PRKG1: variants seen among roughly 807,000 people sequenced by gnomAD.
The protein encoded by PRKG1 is protein kinase cGMP-dependent 1.
In PRKG1, 35 loss-of-function variants were observed where a neutral mutation model predicts 88.1. That is an observed-to-expected ratio of 0.40 (90% confidence interval 0.30 to 0.53). PRKG1 has a LOEUF of 0.53. PRKG1 is among the 20% of genes least tolerant of loss of function. PRKG1 has a pLI of 0.59. For missense variants in PRKG1, 540 were observed against 839.8 expected (o/e 0.64, Z 4.41); for synonymous variants, 303 against 292.5 (o/e 1.04, Z -0.37).
intron 3 of PRKG1, among the ~76,000 whole-genome samples, chr10:51,709,611 C>G (rs1330593551): frequency 1.3e-5 from 2 of 152,142 alleles, no homozygotes; most frequent in Non-Finnish European, 2.9e-5. Context: ...TGGTCCATAG[C>G]CCTTGAGGGG....
chr10:52,128,134 A>C, intron 7 of PRKG1: 11 of 985,386 alleles, frequency 1.1e-5, no homozygotes, highest in Non-Finnish European at 1.3e-5. Flanking sequence ...TGGGGACATT[A>C]AACTGCTGCA....
intron 9 of PRKG1, among the ~76,000 whole-genome samples, chr10:52,239,245 G>A (rs1233473376): frequency 1.6e-4 from 22 of 138,156 alleles, no homozygotes; most frequent in African/African-American, 3.7e-4. Flanking sequence ...TGGGTGCAGC[G>A]CACCGGCATG....
At chr10:51,467,983 G>T in intron 3 of PRKG1, 147 bp downstream of exon 3, 1 of 680,410 alleles carries the variant, frequency 1.5e-6, no homozygotes, top group Non-Finnish European at 2.6e-6. Flanking sequence ...TGATGTATTT[G>T]TTTTCCTACT....
chr10:51,349,422 A>G (rs1564456885), intron 2 of PRKG1, among the ~76,000 whole-genome samples: 2 of 151,888 alleles, frequency 1.3e-5, no homozygotes, highest in African/African-American at 4.8e-5. Context: ...TTCAGAGAAG[A>G]TAAAAAATTG....
chr10:51,618,736 A>G (rs949500393), intron 3 of PRKG1, among the ~76,000 whole-genome samples: 5 of 151,822 alleles, frequency 3.3e-5, no homozygotes, highest in Admixed American at 3.3e-4. Context: ...ATTTCAAATC[A>G]CTTAGGCATT....
At chr10:51,967,839 G>A (rs117062419) in intron 5 of PRKG1, among the ~76,000 whole-genome samples, 1,983 of 152,090 alleles carry the variant, frequency 0.013, 59 homozygotes, top group Admixed American at 0.068. Context: ...CCTTCCATAT[G>A]CCTCACCTCA....
intron 2 of PRKG1, among the ~76,000 whole-genome samples, chr10:51,333,959 C>A (rs767103815): frequency 6.6e-6 from 1 of 152,190 alleles, no homozygotes; most frequent in Non-Finnish European, 1.5e-5. Flanking sequence ...TAACAAATTG[C>A]ACCCAGAGTT....
At chr10:51,840,592 G>A (rs1377295314) in intron 4 of PRKG1, among the ~76,000 whole-genome samples, 4 of 151,082 alleles carry the variant, frequency 2.6e-5, no homozygotes, top group African/African-American at 9.7e-5. Flanking sequence ...TGTCACCTAG[G>A]CTGGAGTGCA....
intron 3 of PRKG1, among the ~76,000 whole-genome samples, chr10:51,606,169 A>G (rs941709405): frequency 6.6e-6 from 1 of 152,136 alleles, no homozygotes; most frequent in African/African-American, 2.4e-5. Flanking sequence ...TACTGGATTT[A>G]TTCAGTATTT....
In PRKG1 at chr10:51,743,713, TATATATATATATAATATAAACTAA is replaced by T. The variant is rs1423215486; in HGVS notation, c.593-60858_593-60835del. Among the ~76,000 whole-genome samples, 77 of 96,260 alleles carry T rather than the reference TATATATATATATAATATAAACTAA, an allele frequency of 8.0e-4. 1 individual carries two copies. The highest frequency in any genetic ancestry group is 2.6e-3 in the African/African-American group (54 of 21,036). The allele number at this position is 96,260 out of a possible 152,430, so 63.2% of individuals were successfully genotyped here. On this transcript the variant is annotated intron_variant, in intron 3 of 17. Coordinates refer to ENST00000373980, the MANE Select transcript of PRKG1 (RefSeq NM_006258.4). ...TATTATATATATAATATAAACTAAA[TATATATATATATAATATAAACTAA>T]ATATATATATATATATATATATATA...
intron 3 of PRKG1, among the ~76,000 whole-genome samples, chr10:51,740,264 A>G (rs943118877): frequency 6.6e-6 from 1 of 152,162 alleles, no homozygotes; most frequent in Non-Finnish European, 1.5e-5. Flanking sequence ...CCTGAGGTCA[A>G]GCAGTCCCTC....
chr10:51,153,782 G>A (rs149434449), intron 2 of PRKG1, among the ~76,000 whole-genome samples: 3 of 152,072 alleles, frequency 2.0e-5, no homozygotes, highest in African/African-American at 7.2e-5. Context: ...TCATGTGTAT[G>A]ACAGAGGCAG....
At chr10:51,948,630 G>T (rs1261863130) in intron 5 of PRKG1, among the ~76,000 whole-genome samples, 1 of 151,816 alleles carries the variant, frequency 6.6e-6, no homozygotes, top group Admixed American at 6.6e-5. Context: ...TTCAGTCTTG[G>T]TGACCTGAGA....
At chr10:51,436,215 GT>G (rs1436130540) in intron 2 of PRKG1, among the ~76,000 whole-genome samples, 1 of 150,162 alleles carries the variant, frequency 6.7e-6, no homozygotes, top group Admixed American at 6.7e-5. Flanking sequence ...CATATGGCAA[GT>G]CCAAAGTAAT....
At chr10:51,216,493 C>T (rs553887345) in intron 2 of PRKG1, among the ~76,000 whole-genome samples, 1 of 152,042 alleles carries the variant, frequency 6.6e-6, no homozygotes, top group Non-Finnish European at 1.5e-5. Flanking sequence ...TTCTCTGTGC[C>T]TGGGTTTCCT....
chr10:51,480,628 G>A (rs1230226744), intron 3 of PRKG1, among the ~76,000 whole-genome samples: 1 of 151,764 alleles, frequency 6.6e-6, no homozygotes, highest in Non-Finnish European at 1.5e-5. Context: ...GTATGACCAT[G>A]GTGAAGCAGC....
rs1371882481 is a variant in PRKG1, at chr10:52,297,967, T to C, written c.*4067T>C. ...GTTAGCCCTCCTCTCTGCCCCTGAA[T>C]CAACAGACAGAGCTCTGGGACCTTG... On this transcript the variant is annotated 3_prime_UTR_variant, in exon 18 of 18. Transcript: ENST00000373980. 6.6e-6 allele frequency: 1 copy of C among 152,200 alleles called. No individual in the cohort carries two copies. The highest frequency in any genetic ancestry group is 1.5e-5 in the Non-Finnish European group (1 of 68,038). The allele number at this position is 152,200 out of a possible 1,614,324, so 9.4% of individuals were successfully genotyped here. A position where few individuals can be genotyped will look rare whatever the true frequency, so the allele number is the denominator to read the frequency against.
intron 2 of PRKG1, among the ~76,000 whole-genome samples, chr10:51,414,780 A>C (rs977774105): frequency 6.6e-6 from 1 of 152,188 alleles, no homozygotes; most frequent in African/African-American, 2.4e-5. Flanking sequence ...TTAAAAAACA[A>C]TATTATGATT....
chr10:51,415,008 G>A (rs1230464429), intron 2 of PRKG1, among the ~76,000 whole-genome samples: 1 of 152,174 alleles, frequency 6.6e-6, no homozygotes, highest in Non-Finnish European at 1.5e-5. Flanking sequence ...GGCTTCACAT[G>A]TATTAACTCA....
Sources: allele counts gnomAD v4.1 joint callset (sites outside exome capture counted in the v4.1 genomes callset), GRCh38; gene constraint gnomAD v4.1.1; transcripts MANE v1.5; gene names NCBI Gene and HGNC (gene_info 2026-07-23, HGNC 2026-07-21).